Variants in CLASP1 observed in about 807,000 individuals in gnomAD.
The protein encoded by CLASP1 is CLIP-associating protein 1.
CLASP1 carries 38 observed loss-of-function variants against 192.3 expected under a neutral mutation model. The observed-to-expected ratio is 0.20, with a 90% CI of 0.15 to 0.26. The LOEUF is 0.26. Ranked by LOEUF, CLASP1 falls within the 10% of genes least tolerant of loss-of-function variation. The pLI is 1.00. For synonymous variants in CLASP1, 691 were observed against 712.8 expected (o/e 0.97, Z 0.49); for missense variants, 1,433 against 1,932.5 (o/e 0.74, Z 4.85).
At chr2:121,359,207 T>C (rs775459652) in intron 37 of CLASP1, among the ~76,000 whole-genome samples, 20 of 152,256 alleles carry the variant, frequency 1.3e-4, no homozygotes, top group Admixed American at 3.3e-4. Flanking sequence ...TAAGGATGTC[T>C]GAGAACAGTT....
exon 40 of CLASP1, chr2:121,338,148 T>C (rs1369049687): frequency 6.6e-6 from 1 of 152,240 alleles, no homozygotes; most frequent in Non-Finnish European, 1.5e-5. Context: ...AAGTGTAACA[T>C]TACGCTTGAT....
At chr2:121,517,564 G>A (rs1421559026) in intron 6 of CLASP1, among the ~76,000 whole-genome samples, 1 of 152,076 alleles carries the variant, frequency 6.6e-6, no homozygotes, top group Non-Finnish European at 1.5e-5. Context: ...CTATAAGGAT[G>A]CAATTAAGGG....
chr2:121,356,207 T>C (rs2065353887), intron 37 of CLASP1, among the ~76,000 whole-genome samples: 1 of 151,732 alleles, frequency 6.6e-6, no homozygotes, highest in Non-Finnish European at 1.5e-5. Context: ...CATAGCAGCG[T>C]CTTGAGCTTA....
exon 36 of CLASP1, chr2:121,365,174 G>A (rs748266679): frequency 1.4e-5 from 22 of 1,613,726 alleles, no homozygotes; most frequent in African/African-American, 8.0e-5. Context: ...CTGTCTTCCC[G>A]CGTGATCTTG....
At chr2:121,520,307 G>C (rs1294950457) in intron 6 of CLASP1, among the ~76,000 whole-genome samples, 1 of 152,180 alleles carries the variant, frequency 6.6e-6, no homozygotes, top group Non-Finnish European at 1.5e-5. Flanking sequence ...CCTAGGGTGG[G>C]GGACAGGGAA....
chr2:121,385,230 C>A (rs571638352), intron 32 of CLASP1, among the ~76,000 whole-genome samples: 1 of 152,186 alleles, frequency 6.6e-6, no homozygotes, highest in African/African-American at 2.4e-5. Context: ...GTTTTAGTTG[C>A]GAGAAAAATC....
intron 30 of CLASP1, among the ~76,000 whole-genome samples, 169 bp downstream of exon 31, chr2:121,396,971 C>T (rs772383132): frequency 1.3e-5 from 2 of 152,304 alleles, no homozygotes; most frequent in East Asian, 1.9e-4. Context: ...TTCAGATTTT[C>T]ATTTTTATAT....
At chr2:121,496,031 G>A (rs1157696108) in intron 8 of CLASP1, among the ~76,000 whole-genome samples, 2 of 152,206 alleles carry the variant, frequency 1.3e-5, no homozygotes, top group African/African-American at 4.8e-5. Context: ...CTTTCCTAAG[G>A]AGGAAGGAGA....
chr2:121,591,093 C>A lies in CLASP1; in HGVS notation c.195+14608G>T, dbSNP rs563416912. Among the ~76,000 whole-genome samples, 231 of 152,220 alleles carry A rather than the reference C, an allele frequency of 1.5e-3. 2 individuals carry two copies. Among genetic ancestry groups the A allele is most frequent in the Admixed American group, 3.5e-3 (54 of 15,274 alleles). ...ATGTTGGCCAGGGTGGTCTCCATCTCCTGACCTCGTGATCCGCCCGCTTCG... is the reference window on the plus strand; with the variant it reads ...ATGTTGGCCAGGGTGGTCTCCATCTACTGACCTCGTGATCCGCCCGCTTCG... On this transcript the variant is annotated intron_variant, in intron 2 of 39. Coordinates refer to ENST00000263710, the Ensembl canonical transcript of CLASP1.
At chr2:121,550,095 T>TCA (rs1364222417) in intron 2 of CLASP1, among the ~76,000 whole-genome samples, 1 of 144,710 alleles carries the variant, frequency 6.9e-6, no homozygotes, top group African/African-American at 2.6e-5. Flanking sequence ...ACCAAGAAAA[T>TCA]CACTGAAAAT....
chr2:121,411,229 C>T (rs139527206), intron 23 of CLASP1, among the ~76,000 whole-genome samples: 3 of 152,114 alleles, frequency 2.0e-5, no homozygotes, highest in Non-Finnish European at 4.4e-5. Flanking sequence ...GAGAGGGAAG[C>T]GGGAACTTAT....
At chr2:121,623,044 T>C (rs2067653446) in intron 1 of CLASP1, among the ~76,000 whole-genome samples, 1 of 152,030 alleles carries the variant, frequency 6.6e-6, no homozygotes, top group Non-Finnish European at 1.5e-5. Context: ...GGCAACATAG[T>C]AAAACTCCGT....
intron 9 of CLASP1, among the ~76,000 whole-genome samples, chr2:121,466,879 G>C (rs537905862): frequency 1.3e-5 from 2 of 152,152 alleles, no homozygotes; most frequent in Non-Finnish European, 2.9e-5. Flanking sequence ...ATAGGTAAAC[G>C]TGTGCCATGG....
chr2:121,399,190 G>A (rs1320001313), intron 28 of CLASP1, among the ~76,000 whole-genome samples: 1 of 152,122 alleles, frequency 6.6e-6, no homozygotes, highest in Non-Finnish European at 1.5e-5. Flanking sequence ...GTAAAATGAA[G>A]CAAATAGAAC....
chr2:121,376,023 CA>C (rs1347256140), intron 34 of CLASP1, among the ~76,000 whole-genome samples: 1 of 151,964 alleles, frequency 6.6e-6, no homozygotes, highest in African/African-American at 2.4e-5. Context: ...ATAAAAAAGA[CA>C]AAAAATAACA....
At chr2:121,397,994 T>C (rs1265371240) in intron 29 of CLASP1, among the ~76,000 whole-genome samples, 1 of 152,198 alleles carries the variant, frequency 6.6e-6, no homozygotes, top group African/African-American at 2.4e-5. Flanking sequence ...CTAGTTTAAA[T>C]ATTAATTGTG....
At chr2:121,455,326 A>G (rs546886793) in intron 14 of CLASP1, among the ~76,000 whole-genome samples, 3 of 152,350 alleles carry the variant, frequency 2.0e-5, no homozygotes, top group African/African-American at 7.2e-5. Context: ...AATGAAGTCA[A>G]TATGTTGAAG....
chr2:121,524,753 C>A (rs2094534738), intron 6 of CLASP1, among the ~76,000 whole-genome samples: 1 of 152,100 alleles, frequency 6.6e-6, no homozygotes, highest in South Asian at 2.1e-4. Flanking sequence ...CACCACGTGC[C>A]CGGCCTAATG....
At chr2:121,452,896 C>A (rs762396241) in intron 14 of CLASP1, among the ~76,000 whole-genome samples, 1 of 152,194 alleles carries the variant, frequency 6.6e-6, no homozygotes, top group African/African-American at 2.4e-5. Flanking sequence ...CATTCAAGAA[C>A]GCACAAATCA....
Sources: allele counts gnomAD v4.1 joint callset (sites outside exome capture counted in the v4.1 genomes callset), GRCh38; gene constraint gnomAD v4.1.1; transcripts MANE v1.5; gene names NCBI Gene and HGNC (gene_info 2026-07-23, HGNC 2026-07-21).